SLC17A1: variants seen among roughly 807,000 people sequenced by gnomAD.
The protein encoded by SLC17A1 is solute carrier family 17 member 1.
A neutral mutation model predicts 53.5 loss-of-function variants in SLC17A1; 51 were observed. The ratio of observed to expected loss-of-function variants is 0.95; its 90% CI spans 0.76 to 1.20. The LOEUF (loss-of-function observed/expected upper bound fraction) is 1.20. Ranked by LOEUF, SLC17A1 falls within the 50% of genes most tolerant of loss-of-function variation. The pLI, the probability that SLC17A1 is intolerant of heterozygous loss-of-function variation, is 0.00. For synonymous variants in SLC17A1, 179 were observed against 198.8 expected (o/e 0.90, Z 0.84); for missense variants, 538 against 568.2 (o/e 0.95, Z 0.54).
chr6:25,778,581 A>G (rs1763131710), downstream of SLC17A1, among the ~76,000 whole-genome samples: 1 of 152,218 alleles, frequency 6.6e-6, no homozygotes, highest in Admixed American at 6.5e-5. Flanking sequence ...GTGCTATTTA[A>G]GTGAATGAAA....
chr6:25,805,129 A>G (rs903689908), intron 10 of SLC17A1, among the ~76,000 whole-genome samples: 1 of 152,114 alleles, frequency 6.6e-6, no homozygotes, highest in African/African-American at 2.4e-5. Flanking sequence ...ACCGTATGAT[A>G]GGCCACAAAA....
chr6:25,793,114 A>C (rs1763536557), intron 12 of SLC17A1, among the ~76,000 whole-genome samples: 1 of 152,170 alleles, frequency 6.6e-6, no homozygotes, highest in Admixed American at 6.5e-5. Context: ...TACACAGTTT[A>C]TCTCTCTTTA....
chr6:25,773,520 C>A, the SLC17A1 span: 2 of 1,613,598 alleles, frequency 1.2e-6, no homozygotes, highest in Admixed American at 3.3e-5. Flanking sequence ...CAGGACTGTT[C>A]ACCAGGCTGG....
Position 25,811,685 on chromosome 6 carries a change from C to T in SLC17A1, c.983G>A (p.Arg328Lys). Residue 328 changes from arginine to lysine, a missense_variant, in exon 9 of 13, where the codon AGG becomes AAG. Arg to Lys is a conservative substitution (Grantham distance 26, BLOSUM62 2). Transcript: ENST00000244527. The stretch of plus-strand genomic sequence containing the variant: ...GACAGCAATTACGCTGAGAATATTC[C>T]TGGTCAGGAAGAAGTCTGATAACTG... ...AGQLSDFFLTRNILSVIAVRK... is the reference protein window; with the variant it reads ...AGQLSDFFLTKNILSVIAVRK... 1 of 1,613,906 alleles carries T rather than the reference C, an allele frequency of 6.2e-7. No individual in the cohort carries two copies. Among genetic ancestry groups the T allele is most frequent in the Non-Finnish European group, 8.5e-7 (1 of 1,179,846 alleles).
chr6:25,800,598 A>G lies in SLC17A1; in HGVS notation c.1269+292T>C, dbSNP rs371547650. Among the ~76,000 whole-genome samples, 6 of 152,138 alleles carry G rather than the reference A, an allele frequency of 3.9e-5. 1 individual carries two copies. The East Asian group carries it at 5.8e-4, about 15-fold the overall frequency. ...TATATTACCACTCAGCCAGTCAAAT[A>G]CCTGTGTTGATCAATCCACATATTC... On this transcript the variant is annotated intron_variant, in intron 11 of 12. Transcript: ENST00000244527.
chr6:25,738,933 T>C, the SLC17A1 span, among the ~76,000 whole-genome samples: 140 of 152,288 alleles, frequency 9.2e-4, 4 homozygotes, highest in South Asian at 0.02. Context: ...ACATTGCTGG[T>C]AAAACTATAA....
chr6:25,727,330 T>C, the SLC17A1 span: 1 of 1,532,858 alleles, frequency 6.5e-7, no homozygotes, highest in East Asian at 2.3e-5. Context: ...CCAAAGGCTC[T>C]TTTCAGAGCC....
chr6:25,732,119 C>G, the SLC17A1 span: 2 of 695,330 alleles, frequency 2.9e-6, no homozygotes, highest in Non-Finnish European at 4.3e-6. Flanking sequence ...CTTCTTAAAG[C>G]CCTTTTCGGA....
the SLC17A1 span, among the ~76,000 whole-genome samples, chr6:25,751,360 A>G: frequency 6.6e-6 from 1 of 152,216 alleles, no homozygotes; most frequent in Non-Finnish European, 1.5e-5. Flanking sequence ...TTGGACAGTG[A>G]TAGCTTATAT....
At chr6:25,789,170 C>T (rs1763448538) in intron 12 of SLC17A1, among the ~76,000 whole-genome samples, 1 of 152,024 alleles carries the variant, frequency 6.6e-6, no homozygotes, top group South Asian at 2.1e-4. Flanking sequence ...GATTTCAGGG[C>T]TTGGTCAGGG....
chr6:25,748,119 T>A, the SLC17A1 span, among the ~76,000 whole-genome samples: 1 of 152,218 alleles, frequency 6.6e-6, no homozygotes, highest in Non-Finnish European at 1.5e-5. Context: ...AACCCCAATG[T>A]CTTGTTTCAT....
Position 25,830,614 on chromosome 6 carries a change from GT to G in SLC17A1, c.-50-8del. The G allele has an allele frequency of 6.2e-7, 1 of 1,603,774 alleles. No individual in the cohort carries two copies. ...AGGGTTTTGCCTCCACCCACTGTGA[GT>G]GCAAAACACGTTGATGTCAGCATAA... On this transcript the variant is annotated splice_polypyrimidine_tract_variant and splice_region_variant and intron_variant, in intron 1 of 12. Coordinates refer to ENST00000244527, the MANE Select transcript of SLC17A1 (RefSeq NM_005074.5).
the SLC17A1 span, among the ~76,000 whole-genome samples, chr6:25,738,668 G>T: frequency 3.3e-5 from 5 of 151,950 alleles, no homozygotes; most frequent in Non-Finnish European, 7.4e-5. Flanking sequence ...TTAATATAAA[G>T]AATTCTCAAA....
chr6:25,787,839 T>C (rs550857282), intron 12 of SLC17A1, among the ~76,000 whole-genome samples: 2 of 152,306 alleles, frequency 1.3e-5, no homozygotes, highest in East Asian at 1.9e-4. Flanking sequence ...TTCTAGCCCT[T>C]GCCCTCCAAG....
At chr6:25,726,036 G>T in the SLC17A1 span, 40 of 1,146,868 alleles carry the variant, frequency 3.5e-5, no homozygotes, top group Non-Finnish European at 4.9e-5. Context: ...GTAACGTTTT[G>T]TAACGTACAG....
the SLC17A1 span, among the ~76,000 whole-genome samples, chr6:25,753,720 T>A: frequency 6.6e-6 from 1 of 150,500 alleles, no homozygotes; most frequent in Non-Finnish European, 1.5e-5. Flanking sequence ...GGGCCAGGAG[T>A]AGGGTTGGAG....
intron 6 of SLC17A1, among the ~76,000 whole-genome samples, chr6:25,815,143 A>G (rs902061625): frequency 5.9e-5 from 9 of 151,698 alleles, no homozygotes; most frequent in African/African-American, 2.2e-4. Context: ...GGAAGGAAGA[A>G]AGAAAGAAAT....
the SLC17A1 span, among the ~76,000 whole-genome samples, chr6:25,737,802 G>A: frequency 4.6e-5 from 7 of 151,866 alleles, no homozygotes; most frequent in Admixed American, 3.9e-4. Flanking sequence ...CGATTGTTAC[G>A]ACAGAGAAAT....
At chr6:25,810,934 G>A (rs1764133082) in intron 10 of SLC17A1, among the ~76,000 whole-genome samples, 1 of 152,030 alleles carries the variant, frequency 6.6e-6, no homozygotes, top group Admixed American at 6.6e-5. Context: ...AAAAATGAAG[G>A]AAATCAAGTC....
Sources: allele counts gnomAD v4.1 joint callset (sites outside exome capture counted in the v4.1 genomes callset), GRCh38; gene constraint gnomAD v4.1.1; transcripts MANE v1.5; gene names NCBI Gene and HGNC (gene_info 2026-07-23, HGNC 2026-07-21).